MMP16: variants seen among roughly 807,000 people sequenced by gnomAD.
MMP16 encodes matrix metallopeptidase 16, also known as matrix metalloproteinase-16.
Under a neutral mutation model 67.8 loss-of-function variants are expected in MMP16, and 12 were observed. The ratio of observed to expected loss-of-function variants is 0.18; its 90% CI spans 0.11 to 0.29. The LOEUF is 0.29. MMP16 is among the 10% of genes least tolerant of loss of function. The pLI is 1.00. For missense variants in MMP16, 475 were observed against 765.7 expected, an observed-to-expected ratio of 0.62 and a Z score of 4.48; for synonymous variants, 249 against 255.9, an observed-to-expected ratio of 0.97 and a Z score of 0.26.
At chr8:88,149,877 G>A (rs1300852314) in intron 4 of MMP16, among the ~76,000 whole-genome samples, 4 of 148,832 alleles carry the variant, frequency 2.7e-5, no homozygotes, top group African/African-American at 7.3e-5. Context: ...ACTTTGATGA[G>A]CTGAGAGAAG....
intron 8 of MMP16, among the ~76,000 whole-genome samples, chr8:88,047,280 G>A (rs898394522): frequency 3.9e-5 from 6 of 152,058 alleles, no homozygotes; most frequent in Admixed American, 3.3e-4. Context: ...TGTTCCTGGC[G>A]TTATTATAGG....
At chr8:88,286,697 T>C (rs1221243727) in intron 1 of MMP16, among the ~76,000 whole-genome samples, 1 of 151,970 alleles carries the variant, frequency 6.6e-6, no homozygotes, top group Admixed American at 6.6e-5. Flanking sequence ...TGCCTCAGCC[T>C]CCCAAGTAGC....
Position 88,327,271 on chromosome 8 carries a change from C to T in MMP16, c.-65G>A. On this transcript the variant is annotated 5_prime_UTR_variant, in exon 1 of 10. Transcript: ENST00000286614. Reference sequence around the variant, plus strand: ...TTTTCTCCCTCTCTCCCTCTCCCTCCCTCCCTCGTTTCCTTTCAAAAAAAA... The same window carrying T: ...TTTTCTCCCTCTCTCCCTCTCCCTCTCTCCCTCGTTTCCTTTCAAAAAAAA... 1 of 1,604,726 alleles carries T rather than the reference C, an allele frequency of 6.2e-7. No individual in the cohort carries two copies. The highest frequency in any genetic ancestry group is 8.5e-7 in the Non-Finnish European group (1 of 1,173,742).
rs1005641692 is a variant in MMP16 at position 88,037,122 on chromosome 8, T to C, written c.*4339A>G. The C allele has an allele frequency of 1.3e-5, 2 of 150,246 alleles. No homozygotes were observed. Among genetic ancestry groups the C allele is most frequent in the Non-Finnish European group, 3.0e-5 (2 of 67,446 alleles). 9.3% of individuals were successfully genotyped at this position (150,246 alleles called of 1,614,324 possible). A position where few individuals can be genotyped will look rare whatever the true frequency, so the allele number is the denominator to read the frequency against. ...GTGTGGGCGTGTATGTGTACCATACTAGATATATTAGCATAACATGTAGAA... is the reference window on the plus strand; with the variant it reads ...GTGTGGGCGTGTATGTGTACCATACCAGATATATTAGCATAACATGTAGAA... On this transcript the variant is annotated 3_prime_UTR_variant, in exon 10 of 10. Coordinates refer to ENST00000286614, the MANE Select transcript of MMP16 (RefSeq NM_005941.5).
At chr8:88,181,761 G>A (rs1262362707) in intron 3 of MMP16, among the ~76,000 whole-genome samples, 1 of 151,910 alleles carries the variant, frequency 6.6e-6, no homozygotes, top group Non-Finnish European at 1.5e-5. Flanking sequence ...CTACCTGATA[G>A]TAAGACTTAC....
At chr8:88,197,423 T>C (rs1809274711) in intron 1 of MMP16, 117 bp from the exon 2 acceptor site, 1 of 791,272 alleles carries the variant, frequency 1.3e-6, no homozygotes, top group African/African-American at 1.8e-5. Context: ...GGGCATACAG[T>C]ATTTTAAGTG....
At chr8:88,075,759 T>C (rs1167353155) in intron 6 of MMP16, among the ~76,000 whole-genome samples, 1 of 152,138 alleles carries the variant, frequency 6.6e-6, no homozygotes, top group African/African-American at 2.4e-5. Context: ...ATATCCACTA[T>C]TTAGACAAGT....
At chr8:88,115,666 C>A (rs1466261932) in intron 6 of MMP16, among the ~76,000 whole-genome samples, 1 of 152,054 alleles carries the variant, frequency 6.6e-6, no homozygotes, top group African/African-American at 2.4e-5. Context: ...CCAAAACTGA[C>A]AGCACATTGT....
intron 1 of MMP16, among the ~76,000 whole-genome samples, chr8:88,209,139 T>C (rs895031426): frequency 7.9e-5 from 12 of 152,250 alleles, no homozygotes; most frequent in Non-Finnish European, 1.5e-4. Flanking sequence ...AACACATTTT[T>C]AGAGAAAAGG....
intron 1 of MMP16, among the ~76,000 whole-genome samples, chr8:88,325,212 C>T (rs1277380474): frequency 6.6e-6 from 1 of 152,144 alleles, no homozygotes; most frequent in Non-Finnish European, 1.5e-5. Context: ...TTAGTACAAT[C>T]ATAACTTTTT....
intron 3 of MMP16, among the ~76,000 whole-genome samples, chr8:88,179,179 C>G (rs1256847996): frequency 6.6e-6 from 1 of 151,506 alleles, no homozygotes; most frequent in Non-Finnish European, 1.5e-5. Context: ...AAACAAAAGA[C>G]AAAAAGAAAA....
At chr8:88,100,499 A>G (rs980789582) in intron 6 of MMP16, among the ~76,000 whole-genome samples, 9 of 152,064 alleles carry the variant, frequency 5.9e-5, no homozygotes, top group Admixed American at 2.0e-4. Context: ...GAGGATATAG[A>G]GAAATAGAAA....
Position 88,190,172 on chromosome 8 carries a change from G to A in MMP16, c.282-3574C>T, listed in dbSNP as rs200738781. ...ATATAATATCAACTAATGATTTAAT[G>A]AAAAGAACTCTGAATGAAGATTGGT... On this transcript the variant is annotated intron_variant, in intron 2 of 9. Transcript: ENST00000286614. 9.2e-5 allele frequency among the ~76,000 whole-genome samples: 14 copies of A among 152,230 alleles called. No individual in the cohort carries two copies. The East Asian group carries it at 2.5e-3, about 27-fold the overall frequency.
chr8:88,219,391 G>C (rs927552573), intron 1 of MMP16, among the ~76,000 whole-genome samples: 1 of 151,988 alleles, frequency 6.6e-6, no homozygotes, highest in Non-Finnish European at 1.5e-5. Context: ...AATGGAGAAA[G>C]AGAGGAGAAA....
At chr8:88,064,213 T>C (rs1808435324) in intron 7 of MMP16, among the ~76,000 whole-genome samples, 1 of 152,116 alleles carries the variant, frequency 6.6e-6, no homozygotes, top group East Asian at 1.9e-4. Context: ...CTATGTAGTT[T>C]TTTACAGGAA....
At chr8:88,053,154 G>C (rs578151699) in intron 8 of MMP16, among the ~76,000 whole-genome samples, 3 of 152,326 alleles carry the variant, frequency 2.0e-5, no homozygotes, top group South Asian at 4.1e-4. Flanking sequence ...ACTGAGAATA[G>C]AATGTGCTGC....
At chr8:88,287,262 C>A (rs956081593) in intron 1 of MMP16, among the ~76,000 whole-genome samples, 4 of 152,172 alleles carry the variant, frequency 2.6e-5, no homozygotes, top group African/African-American at 9.6e-5. Context: ...CTTTTTCCAG[C>A]CCTTTGTTCT....
intron 1 of MMP16, among the ~76,000 whole-genome samples, chr8:88,198,483 C>A (rs948826629): frequency 2.0e-5 from 3 of 152,058 alleles, no homozygotes; most frequent in African/African-American, 7.2e-5. Flanking sequence ...TGTAGTTTTT[C>A]CCAAATAACT....
Position 88,184,746 on chromosome 8 carries a change from CAAAAAAAAAAAAAAAAAAAA to C in MMP16, c.404+1710_404+1729del, listed in dbSNP as rs61606557. 2.1e-4 allele frequency among the ~76,000 whole-genome samples: 10 copies of C among 47,484 alleles called. 1 individual carries two copies. The Admixed American group carries it at 3.5e-3, about 16-fold the overall frequency. The allele number at this position is 47,484 out of a possible 152,430, so 31.2% of individuals were successfully genotyped here. On this transcript the variant is annotated intron_variant, in intron 3 of 9. Coordinates refer to ENST00000286614, the MANE Select transcript of MMP16 (RefSeq NM_005941.5). ...TGAGCGACAGAGTGAGGCCCTGTCTCAAAAAAAAAAAAAAAAAAAAAAAAAAAAAAAAGAAAAGAAAAAAG... is the reference window on the plus strand; with the variant it reads ...TGAGCGACAGAGTGAGGCCCTGTCTCAAAAAAAAAAAAGAAAAGAAAAAAG...
Sources: allele counts gnomAD v4.1 joint callset (sites outside exome capture counted in the v4.1 genomes callset), GRCh38; gene constraint gnomAD v4.1.1; transcripts MANE v1.5; gene names NCBI Gene and HGNC (gene_info 2026-07-23, HGNC 2026-07-21).